The following CDYL2 variants were observed in gnomAD, a reference collection of about 807,000 sequenced individuals.
The protein encoded by CDYL2 is chromodomain Y like 2.
In CDYL2, 23 loss-of-function variants were observed where a neutral mutation model predicts 49.4. That is an observed-to-expected ratio of 0.47 (90% confidence interval 0.34 to 0.66). CDYL2 has a LOEUF of 0.66. Among genes scored for constraint, CDYL2 ranks in the 30% least tolerant of loss-of-function variants. The pLI, the probability that CDYL2 is intolerant of heterozygous loss-of-function variation, is 0.01. For synonymous variants in CDYL2, 360 were observed against 268.8 expected, an observed-to-expected ratio of 1.34 and a Z score of -3.32; for missense variants, 678 against 656.4, an observed-to-expected ratio of 1.03 and a Z score of -0.36.
intron 1 of CDYL2, among the ~76,000 whole-genome samples, chr16:80,714,122 A>G (rs1186279452): frequency 2.0e-5 from 3 of 152,326 alleles, no homozygotes; most frequent in East Asian, 3.9e-4. Context: ...TGGAATATTT[A>G]TATATTCAAA....
chr16:80,675,445 T>C (rs1042394755), intron 2 of CDYL2, among the ~76,000 whole-genome samples: 2 of 152,194 alleles, frequency 1.3e-5, no homozygotes, highest in African/African-American at 2.4e-5. Context: ...AGCTAGGCGT[T>C]ACCTGCAGTA....
chr16:80,789,403 C>A (rs943547002), intron 1 of CDYL2, among the ~76,000 whole-genome samples: 1 of 152,092 alleles, frequency 6.6e-6, no homozygotes, highest in Non-Finnish European at 1.5e-5. Flanking sequence ...AGTTCAAGAC[C>A]AGCCTGGCCG....
chr16:80,609,473 G>A lies in CDYL2; in HGVS notation c.1219-1238C>T, dbSNP rs529332719. On this transcript the variant is annotated intron_variant, in intron 5 of 6. Transcript: ENST00000570137. ...GGACAATCTTTCACGCCAGAGTAGA[G>A]GGCAATCTTTTATGTCGATAATAAG... Among the ~76,000 whole-genome samples the A allele has an allele frequency of 2.0e-5, 3 of 152,302 alleles. No individual in the cohort carries two copies. The South Asian group carries it at 6.2e-4, about 32-fold the overall frequency.
chr16:80,771,415 C>T (rs1276640533), intron 1 of CDYL2, among the ~76,000 whole-genome samples: 2 of 152,122 alleles, frequency 1.3e-5, no homozygotes, highest in African/African-American at 2.4e-5. Context: ...AACATACAAA[C>T]GAAAACTGGC....
intron 1 of CDYL2, among the ~76,000 whole-genome samples, chr16:80,770,839 T>A (rs1906881695): frequency 6.6e-6 from 1 of 151,898 alleles, no homozygotes; most frequent in South Asian, 2.1e-4. Flanking sequence ...CTTAAAAAAG[T>A]AAAATAGAGG....
intron 1 of CDYL2, among the ~76,000 whole-genome samples, chr16:80,715,039 A>G (rs1204673046): frequency 6.6e-6 from 1 of 152,180 alleles, no homozygotes; most frequent in African/African-American, 2.4e-5. Flanking sequence ...TGACAGGGTA[A>G]CTAAGCTCAT....
intron 1 of CDYL2, among the ~76,000 whole-genome samples, chr16:80,783,453 G>T (rs975809643): frequency 3.3e-5 from 5 of 152,082 alleles, no homozygotes; most frequent in African/African-American, 1.2e-4. Context: ...TTCTCAAAAA[G>T]TTAAAAATAG....
chr16:80,614,708 A>T (rs188594967), intron 4 of CDYL2, among the ~76,000 whole-genome samples: 3 of 152,192 alleles, frequency 2.0e-5, no homozygotes, highest in Admixed American at 2.0e-4. Context: ...TACTAAAAAT[A>T]CAAAAATTAG....
chr16:80,664,336 CG>C (rs1909171564), intron 2 of CDYL2, among the ~76,000 whole-genome samples: 1 of 152,154 alleles, frequency 6.6e-6, no homozygotes, highest in South Asian at 2.1e-4. Flanking sequence ...TCTAATCCTC[CG>C]GGGCCACTTG....
At chr16:80,618,414 G>GAC (rs1227486201) in intron 4 of CDYL2, among the ~76,000 whole-genome samples, 1 of 152,232 alleles carries the variant, frequency 6.6e-6, no homozygotes, top group Non-Finnish European at 1.5e-5. Context: ...AGGCTATGGG[G>GAC]ACAGGAGAAG....
In CDYL2 at chr16:80,778,492, C is replaced by G. The variant is rs192098972; in HGVS notation, c.24+25658G>C. On this transcript the variant is annotated intron_variant, in intron 1 of 6. Coordinates refer to ENST00000570137, the MANE Select transcript of CDYL2 (RefSeq NM_152342.4). ...AGGAACTGAATTATAAAACCCTCTT[C>G]ACAAAGGCAACAAAACTCTAAACTG... Among the ~76,000 whole-genome samples the G allele has an allele frequency of 1.1e-4, 16 of 152,046 alleles. No homozygotes were observed. In the East Asian group the frequency reaches 2.5e-3, roughly 24 times the overall value.
intron 2 of CDYL2, among the ~76,000 whole-genome samples, chr16:80,661,056 C>G (rs1012821951): frequency 2.0e-5 from 3 of 152,102 alleles, no homozygotes; most frequent in African/African-American, 4.8e-5. Context: ...TTCTACCATG[C>G]AAATAAGTTT....
intron 1 of CDYL2, among the ~76,000 whole-genome samples, chr16:80,759,479 A>G (rs1159415761): frequency 6.6e-6 from 1 of 152,160 alleles, no homozygotes. Context: ...ACTATCGATG[A>G]GTCATGACCA....
intron 1 of CDYL2, among the ~76,000 whole-genome samples, chr16:80,772,080 G>T (rs1331226249): frequency 1.3e-5 from 2 of 152,116 alleles, no homozygotes; most frequent in Non-Finnish European, 2.9e-5. Flanking sequence ...GAAGACAATG[G>T]AATGTCATCT....
In CDYL2 at chr16:80,683,484, C is replaced by A. The variant is rs149810207; in HGVS notation, c.616+1054G>T. ...CCTCCTGTTTCCTTAATTTTGCCTA[C>A]AGAGACTTTGGAAAAAGGAGGAATT... On this transcript the variant is annotated intron_variant, in intron 2 of 6. Transcript: ENST00000570137. Among the ~76,000 whole-genome samples, 169 of 152,302 alleles carry A rather than the reference C, an allele frequency of 1.1e-3. 1 individual carries two copies. The highest frequency in any genetic ancestry group is 1.5e-3 in the Non-Finnish European group (100 of 68,036).
At chr16:80,702,407 A>T (rs923568951) in intron 1 of CDYL2, among the ~76,000 whole-genome samples, 2 of 152,192 alleles carry the variant, frequency 1.3e-5, no homozygotes, top group Admixed American at 1.3e-4. Flanking sequence ...ATGAAGTAAA[A>T]TAGTAAAAAT....
At chr16:80,694,183 A>G (rs1305178078) in intron 1 of CDYL2, among the ~76,000 whole-genome samples, 2 of 152,200 alleles carry the variant, frequency 1.3e-5, no homozygotes, top group Non-Finnish European at 2.9e-5. Flanking sequence ...AATCCCTTGC[A>G]TGCGCAGTTC....
In CDYL2 at chr16:80,748,530, A is replaced by C. The variant is rs1005337159; in HGVS notation, c.24+55620T>G. Reference sequence around the variant, plus strand: ...TTAAAAAAAAAAAAAAAAAAAAAAAAAAAAAAAAAACTCAGGTGGGTGATG... The same window carrying C: ...TTAAAAAAAAAAAAAAAAAAAAAAACAAAAAAAAAACTCAGGTGGGTGATG... On this transcript the variant is annotated intron_variant, in intron 1 of 6. Coordinates refer to ENST00000570137, the MANE Select transcript of CDYL2 (RefSeq NM_152342.4). Among the ~76,000 whole-genome samples the C allele has an allele frequency of 8.9e-4, 128 of 144,318 alleles. 2 individuals are homozygous for C. The highest frequency in any genetic ancestry group is 1.1e-3 in the Non-Finnish European group (73 of 65,818). The allele number at this position is 144,318 out of a possible 152,430, so 94.7% of individuals were successfully genotyped here.
intron 1 of CDYL2, among the ~76,000 whole-genome samples, chr16:80,741,791 T>A (rs1257167320): frequency 1.3e-5 from 2 of 152,130 alleles, no homozygotes; most frequent in Non-Finnish European, 2.9e-5. Context: ...CATTGGCAGA[T>A]GTTCAGGTAA....
Sources: gnomAD v4.1 joint callset for allele counts (sites outside exome capture counted in the v4.1 genomes callset) on GRCh38, gnomAD v4.1.1 for gene constraint, MANE v1.5 for transcripts, NCBI Gene and HGNC (gene_info 2026-07-23, HGNC 2026-07-21) for gene names.